FASN: variants seen among roughly 807,000 people sequenced by gnomAD.
FASN encodes the protein 3-hydroxyacyl-[acyl-carrier-protein] dehydratase.
Under a neutral mutation model 250.0 loss-of-function variants are expected in FASN, and 50 were observed. The ratio of observed to expected loss-of-function variants is 0.20; its 90% CI spans 0.16 to 0.25. FASN has a LOEUF of 0.25. Among genes scored for constraint, FASN ranks in the 10% least tolerant of loss-of-function variants. FASN has a pLI of 1.00. For missense variants in FASN, 3,031 were observed against 3,498.5 expected, an observed-to-expected ratio of 0.87 and a Z score of 3.37; for synonymous variants, 1,909 against 1,584.0, an observed-to-expected ratio of 1.21 and a Z score of -4.87.
intron 27 of FASN, 50 bp from the exon 28 acceptor site, chr17:82,084,434 G>T (rs765630967): frequency 1.3e-5 from 20 of 1,586,638 alleles, no homozygotes; most frequent in Non-Finnish European, 1.5e-5. Context: ...CCCTCCCGAG[G>T]GGCTCCCAGG....
At chr17:82,086,621 C>T in intron 21 of FASN, 63 bp from the exon 22 acceptor site, 1 of 1,246,838 alleles carries the variant, frequency 8.0e-7, no homozygotes, top group East Asian at 2.4e-5. Flanking sequence ...CTGGCATGGG[C>T]TCTCAGACCC....
chr17:82,089,837 G>T, intron 11 of FASN, 111 bp from the exon 12 acceptor site: 1 of 952,488 alleles, frequency 1.0e-6, no homozygotes, highest in South Asian at 1.4e-5. Context: ...GTGTGGTAAT[G>T]GCAGCCTTGG....
chr17:82,085,108 T>C lies in FASN; in HGVS notation c.4336A>G (p.Ile1446Val). The change falls in exon 25 of 43, where the codon ATC becomes GTC. Residue 1446 changes from isoleucine (I) to valine (V), a missense_variant. Transcript: ENST00000306749. Reference sequence around the variant, plus strand: ...ACCACGCCCGAGGTGGCACAGTTGATGGCCTTCAGCCACACAGGCCGGGAA... The same window carrying C: ...ACCACGCCCGAGGTGGCACAGTTGACGGCCTTCAGCCACACAGGCCGGGAA... ...DSSRPVWLKAINCATSGVVGL... is the reference protein window; with the variant it reads ...DSSRPVWLKAVNCATSGVVGL... The C allele has an allele frequency of 6.2e-7, 1 of 1,612,176 alleles. No individual in the cohort carries two copies. Among genetic ancestry groups the C allele is most frequent in the East Asian group, 2.2e-5 (1 of 44,838 alleles).
chr17:82,093,505 A>G (rs1353390692), intron 4 of FASN, 86 bp from the exon 5 acceptor site: 1 of 1,593,414 alleles, frequency 6.3e-7, no homozygotes, highest in Admixed American at 1.7e-5. Flanking sequence ...CTGGACACAC[A>G]CTGCACGGAG....
rs374632164 is a variant in FASN at position 82,085,792 on chromosome 17, G to A, written c.3812C>T (p.Thr1271Met). The A allele has an allele frequency of 5.4e-5, 84 of 1,562,010 alleles. No individual in the cohort carries two copies. The highest frequency in any genetic ancestry group is 6.5e-5 in the Non-Finnish European group (75 of 1,155,116). The stretch of plus-strand genomic sequence containing the variant: ...GGCCTGGGGGTGGCGGTCGGTGGCC[G>A]TGTAGCTCAGCTGCAGCAGGGGATG... ...SPHPLLQLSY[T>M]ATDRHPQALE... Residue 1271 changes from threonine (T) to methionine (M), a missense_variant, in exon 23 of 43, where the codon ACG becomes ATG. Transcript: ENST00000306749.
At position 82,083,778 on chromosome 17, in the gene FASN, C is replaced by T. The variant is rs774809206; in HGVS notation, c.5212G>A (p.Gly1738Arg). 1.2e-6 allele frequency: 2 copies of T among 1,611,710 alleles called. No homozygotes were observed. The highest frequency in any genetic ancestry group is 1.6e-4 in the Middle Eastern group (1 of 6,062). ...FEQHVLWHTG[G>R]KGVDLVLNSL... ...GGCTGTGGGGGCCACTCACCCTTCC[C>T]GCCCGTGTGCCACAGCACATGCTGC... Residue 1738 changes from glycine (G) to arginine (R), a missense_variant, in exon 30 of 43, where the codon GGG (glycine) becomes AGG (arginine). Physicochemically the swap from Gly to Arg is moderately radical, Grantham distance 125 (BLOSUM62 -2). Coordinates refer to ENST00000306749, the MANE Select transcript of FASN (RefSeq NM_004104.5).
chr17:82,085,558 C>A lies in FASN; in HGVS notation c.4046G>T (p.Arg1349Leu). The change falls in exon 23 of 43, where the codon CGG becomes CTG. Residue 1349 changes from arginine to leucine, a missense_variant. Coordinates refer to ENST00000306749, the MANE Select transcript of FASN (RefSeq NM_004104.5). The part of the protein sequence containing the change: ...GGFLLLHTLL[R>L]GHPLGDIVAF... ...CACGATGTCCCCGAGGGGGTGCCCC[C>A]GGAGCAGTGTGTGCAGGAGCAGAAA... 1 of 1,595,222 alleles carries A rather than the reference C, an allele frequency of 6.3e-7. No homozygotes were observed. Among genetic ancestry groups the A allele is most frequent in the East Asian group, 2.3e-5 (1 of 43,870 alleles).
Position 82,088,772 on chromosome 17 carries a change from C to T in FASN, c.2409G>A (p.Leu803=). The T allele has an allele frequency of 3.0e-5, 49 of 1,611,828 alleles. No homozygotes were observed. The highest frequency in any genetic ancestry group is 4.1e-5 in the Non-Finnish European group (48 of 1,179,428). ...GGGAAGGGACCCACCCTGAGAGGTG[C>T]AGCCTGCCGATGCCGGCCAGGAAGA... ...LEFFLAGIGR[L]HLSGIDANPN... is the part of the protein sequence containing the mutation. Residue 803 remains leucine (L), a synonymous_variant, in exon 15 of 43, where the codon CTG becomes CTA. Transcript: ENST00000306749.
chr17:82,094,858 C>G (rs1187453571), intron 3 of FASN, among the ~76,000 whole-genome samples: 1 of 149,162 alleles, frequency 6.7e-6, no homozygotes, highest in African/African-American at 2.5e-5. Context: ...AAATGCCAGT[C>G]AGAGCGAGGG....
intron 2 of FASN, 147 bp from the exon 3 acceptor site, chr17:82,095,619 C>T: frequency 2.0e-6 from 2 of 1,000,816 alleles, no homozygotes; most frequent in Admixed American, 2.0e-5. Context: ...AGCAGGCTCC[C>T]CAGGAGGGGA....
intron 11 of FASN, 92 bp downstream of exon 11, chr17:82,090,283 C>T (rs45594438): frequency 0.07 from 93,296 of 1,326,326 alleles, 4,050 homozygotes; most frequent in Non-Finnish European, 0.084. Flanking sequence ...CTCTATCCTA[C>T]GGGGGCCAGG....
rs1296410684 is a variant in FASN at position 82,083,304 on chromosome 17, C to T, written c.5463G>A (p.Gly1821=). The T allele has an allele frequency of 3.1e-6, 5 of 1,612,662 alleles. No individual in the cohort carries two copies. The highest frequency in any genetic ancestry group is 2.7e-5 in the African/African-American group (2 of 74,942). ...WALVQAGIRD[G]VVRPLKCTVF... Reference sequence around the variant, plus strand: ...CCGTGCACTTGAGGGGCCGTACCACCCCATCCCGGATGCCGGCCTGCACAA... The same window carrying T: ...CCGTGCACTTGAGGGGCCGTACCACTCCATCCCGGATGCCGGCCTGCACAA... Residue 1821 remains glycine, a synonymous_variant, in exon 32 of 43, where the codon GGG becomes GGA. Coordinates refer to ENST00000306749, the MANE Select transcript of FASN (RefSeq NM_004104.5).
At position 82,083,305 on chromosome 17, in the gene FASN, C is replaced by A; in HGVS notation, c.5462G>T (p.Gly1821Val). The change falls in exon 32 of 43, where the codon GGG becomes GTG. Residue 1821 changes from glycine to valine, a missense_variant. Physicochemically the swap from Gly to Val is moderately radical, Grantham distance 109 (BLOSUM62 -3). Coordinates refer to ENST00000306749, the MANE Select transcript of FASN (RefSeq NM_004104.5). ...WALVQAGIRD[G>V]VVRPLKCTVF... is the part of the protein sequence containing the mutation. ...CGTGCACTTGAGGGGCCGTACCACC[C>A]CATCCCGGATGCCGGCCTGCACAAG... 5.6e-6 allele frequency: 9 copies of A among 1,612,792 alleles called. No homozygotes were observed. Among genetic ancestry groups the A allele is most frequent in the Non-Finnish European group, 7.6e-6 (9 of 1,180,010 alleles).
At position 82,091,018 on chromosome 17, in the gene FASN, C is replaced by T. The variant is rs775845460; in HGVS notation, c.1544G>A (p.Arg515His). 11 of 1,612,754 alleles carry T rather than the reference C, an allele frequency of 6.8e-6. No homozygotes were observed. The highest frequency in any genetic ancestry group is 5.0e-5 in the Admixed American group (3 of 60,022). ...GMGLSLMRLD[R>H]FRDSILRSDE... ...GGAGCGTAGGATGGAATCTCGGAAG[C>T]GGTCCAGGCGCATGAGGCTCAGCCC... The change falls in exon 10 of 43, where the codon CGC becomes CAC. Residue 515 changes from arginine to histidine, a missense_variant. Transcript: ENST00000306749.
In FASN at chr17:82,079,546, C is replaced by A. The variant is rs2033950805; in HGVS notation, c.7209G>T (p.Leu2403=). The change falls in exon 42 of 43, where the codon CTG becomes CTT. Residue 2403 remains leucine, a synonymous_variant. Coordinates refer to ENST00000306749, the MANE Select transcript of FASN (RefSeq NM_004104.5). ...CCAGGCCCTGGTGGCTCTTGATGAT[C>A]AGGTCCACGGCGGCTGCCACACGCT... ...LEERVAAAVD[L]IIKSHQGLDR... The A allele has an allele frequency of 6.2e-7, 1 of 1,608,858 alleles. No individual in the cohort carries two copies. The highest frequency in any genetic ancestry group is 8.5e-7 in the Non-Finnish European group (1 of 1,179,940).
Position 82,088,868 on chromosome 17 carries a change from C to T in FASN, c.2313G>A (p.Leu771=). 6.2e-7 allele frequency: 1 copy of T among 1,612,470 alleles called. No individual in the cohort carries two copies. The highest frequency in any genetic ancestry group is 8.5e-7 in the Non-Finnish European group (1 of 1,179,770). Residue 771 remains leucine, a synonymous_variant, in exon 15 of 43, where the codon CTG becomes CTA. Coordinates refer to ENST00000306749, the MANE Select transcript of FASN (RefSeq NM_004104.5). ...IAPHALLQAV[L]KRGLKPSCTI... Reference sequence around the variant, plus strand: ...TGCAGCTCGGCTTCAGGCCACGCTTCAGGACAGCCTGGGGGCGGCAGGGCA... The same window carrying T: ...TGCAGCTCGGCTTCAGGCCACGCTTTAGGACAGCCTGGGGGCGGCAGGGCA...
chr17:82,096,919 C>G, intron 1 of FASN: 1 of 254,630 alleles, frequency 3.9e-6, no homozygotes, highest in Non-Finnish European at 7.9e-6. Context: ...CTGCTAAGGG[C>G]CATCAAAGAA....
rs774825738 is a variant in FASN, at chr17:82,091,109, G to A, written c.1493-40C>T. The A allele has an allele frequency of 3.1e-5, 50 of 1,605,940 alleles. 1 individual carries two copies. Among genetic ancestry groups the A allele is most frequent in the South Asian group, 4.4e-5 (4 of 90,564 alleles). ...ACGTCACGAGGCTCAGCCCCATCCC[G>A]TGCCACTGTGTGCCCATCCCCGTCC... On this transcript the variant is annotated intron_variant, in intron 9 of 42. Transcript: ENST00000306749.
intron 3 of FASN, among the ~76,000 whole-genome samples, 165 bp downstream of exon 3, chr17:82,095,155 C>T (rs894875334): frequency 5.3e-5 from 8 of 152,362 alleles, no homozygotes; most frequent in South Asian, 2.1e-4. Flanking sequence ...GCGGCCTACC[C>T]CGTGGCCCAC....
Sources: allele counts gnomAD v4.1 joint callset (sites outside exome capture counted in the v4.1 genomes callset), GRCh38; gene constraint gnomAD v4.1.1; transcripts MANE v1.5; gene names NCBI Gene and HGNC (gene_info 2026-07-23, HGNC 2026-07-21).